Variants in CDC42BPB observed in about 807,000 individuals in gnomAD.
CDC42BPB encodes the protein serine/threonine-protein kinase MRCK beta.
Under a neutral mutation model 214.9 loss-of-function variants are expected in CDC42BPB, and 37 were observed. That is an observed-to-expected ratio of 0.17 (90% CI 0.13 to 0.23). CDC42BPB has a LOEUF of 0.23. Among genes scored for constraint, CDC42BPB ranks in the 10% least tolerant of loss-of-function variants. CDC42BPB has a pLI of 1.00. For synonymous variants in CDC42BPB, 931 were observed against 884.0 expected, an observed-to-expected ratio of 1.05 and a Z score of -0.94; for missense variants, 1,694 against 2,227.0, an observed-to-expected ratio of 0.76 and a Z score of 4.82.
At chr14:102,945,143 C>A in intron 29 of CDC42BPB, 1 of 427,770 alleles carries the variant, frequency 2.3e-6, no homozygotes, top group Admixed American at 2.5e-5. Context: ...TGCAGAGATG[C>A]TGGGTCTGTC....
At chr14:103,047,933 GTT>G (rs1293782525) in intron 1 of CDC42BPB, among the ~76,000 whole-genome samples, 1 of 150,264 alleles carries the variant, frequency 6.7e-6, no homozygotes, top group Admixed American at 6.6e-5. Flanking sequence ...GACAGACCTG[GTT>G]CAAAAAATTC....
intron 1 of CDC42BPB, among the ~76,000 whole-genome samples, chr14:103,034,570 T>G (rs1887562299): frequency 6.6e-6 from 1 of 152,040 alleles, no homozygotes; most frequent in Admixed American, 6.6e-5. Context: ...TCCCAACACT[T>G]TGGGAGGCTG....
Position 103,040,824 on chromosome 14 carries a change from T to C in CDC42BPB, c.175+16175A>G, listed in dbSNP as rs190884842. Among the ~76,000 whole-genome samples the C allele has an allele frequency of 5.9e-5, 9 of 152,334 alleles. 1 individual carries two copies. The highest frequency in any genetic ancestry group is 4.6e-4 in the Admixed American group (7 of 15,290). On this transcript the variant is annotated intron_variant, in intron 1 of 36. Coordinates refer to ENST00000361246, the MANE Select transcript of CDC42BPB (RefSeq NM_006035.4). ...CTTATGATCGTGGGACAAGAGACTT[T>C]AATACTGTTAAGATGGCAATACTCC... is the stretch of plus-strand genomic sequence containing the variant.
At chr14:102,968,422 C>T (rs539530759) in intron 15 of CDC42BPB, 50 bp downstream of exon 15, 91 of 1,613,242 alleles carry the variant, frequency 5.6e-5, no homozygotes, top group Non-Finnish European at 6.6e-5. Context: ...GTATCTATGG[C>T]GTGGGTATCA....
At chr14:102,936,226 AATCCAGCAATCCCACTCACAGGCAT>A (rs1367179794) in intron 36 of CDC42BPB, among the ~76,000 whole-genome samples, 2 of 152,216 alleles carry the variant, frequency 1.3e-5, no homozygotes, top group African/African-American at 4.8e-5. Context: ...TTACCACATA[AATCCAGCAATCCCACTCACAGGCAT>A]AAACCCGAAT....
In CDC42BPB at chr14:102,965,669, G is replaced by C. The variant is rs542676035; in HGVS notation, c.2577+613C>G. 9.8e-4 allele frequency among the ~76,000 whole-genome samples: 150 copies of C among 152,320 alleles called. 1 individual carries two copies. The highest frequency in any genetic ancestry group is 1.2e-3 in the Non-Finnish European group (80 of 68,014). ...AACAGTAAAGAGAAGAAAATGGACA[G>C]AGGAAGGCCAGGTGTGGGGGCTCAT... is the stretch of plus-strand genomic sequence containing the variant. On this transcript the variant is annotated intron_variant, in intron 18 of 36. Coordinates refer to ENST00000361246, the MANE Select transcript of CDC42BPB (RefSeq NM_006035.4).
At position 103,044,747 on chromosome 14, in the gene CDC42BPB, G is replaced by A. The variant is rs916483859; in HGVS notation, c.175+12252C>T. On this transcript the variant is annotated intron_variant, in intron 1 of 36. Transcript: ENST00000361246. ...GCTGGTCTTGAACTCCTGGGCTCAA[G>A]CAATCTTCCCACCTCGGCCTCCCAA... Among the ~76,000 whole-genome samples the A allele has an allele frequency of 2.0e-5, 3 of 151,048 alleles. No individual in the cohort carries two copies. In the South Asian group the frequency reaches 6.3e-4, roughly 32 times the overall value.
chr14:103,044,561 G>A lies in CDC42BPB; in HGVS notation c.175+12438C>T, dbSNP rs1294505968. On this transcript the variant is annotated intron_variant, in intron 1 of 36. Transcript: ENST00000361246. Reference sequence around the variant, plus strand: ...ACTTTTTGTGTTTTTAGTAGAGATGGGGTTTCACCAACTTGGCCAGGATGG... The same window carrying A: ...ACTTTTTGTGTTTTTAGTAGAGATGAGGTTTCACCAACTTGGCCAGGATGG... Among the ~76,000 whole-genome samples, 4 of 152,028 alleles carry A rather than the reference G, an allele frequency of 2.6e-5. No homozygotes were observed. The East Asian group carries it at 7.8e-4, about 29-fold the overall frequency.
intron 1 of CDC42BPB, among the ~76,000 whole-genome samples, chr14:103,034,361 T>C (rs748199046): frequency 7.9e-5 from 12 of 152,150 alleles, no homozygotes; most frequent in Non-Finnish European, 1.6e-4. Flanking sequence ...ATTTTAAAAA[T>C]ACACATTTAA....
chr14:103,023,139 G>GACT (rs1346215183), intron 1 of CDC42BPB, among the ~76,000 whole-genome samples: 1 of 150,146 alleles, frequency 6.7e-6, no homozygotes, highest in Non-Finnish European at 1.5e-5. Flanking sequence ...CCGAGTAGCA[G>GACT]ACTACAGGTG....
chr14:103,010,995 A>G (rs1886124168), intron 2 of CDC42BPB, among the ~76,000 whole-genome samples: 1 of 152,176 alleles, frequency 6.6e-6, no homozygotes, highest in African/African-American at 2.4e-5. Flanking sequence ...GCACCACTGC[A>G]CTCCAGCCTG....
intron 1 of CDC42BPB, among the ~76,000 whole-genome samples, chr14:103,048,427 G>A (rs991827061): frequency 6.8e-6 from 1 of 147,958 alleles, no homozygotes; most frequent in African/African-American, 2.5e-5. Flanking sequence ...GGTAGCTCAC[G>A]CCTATAATCC....
intron 1 of CDC42BPB, chr14:103,041,672 T>C: frequency 1.8e-6 from 1 of 566,362 alleles, no homozygotes; most frequent in Non-Finnish European, 3.2e-6. Context: ...CACACCAAGG[T>C]GCGCACCGGC....
chr14:102,974,369 G>A (rs1893640147), intron 11 of CDC42BPB: 2 of 984,092 alleles, frequency 2.0e-6, no homozygotes, highest in African/African-American at 1.8e-5. Flanking sequence ...AGGCTCCCTA[G>A]ACTTTACTCT....
In CDC42BPB at chr14:102,970,153, T is replaced by G; in HGVS notation, c.1993A>C (p.Lys665Gln). Residue 665 changes from lysine (K) to glutamine (Q), a missense_variant and splice_region_variant, in exon 14 of 37, where the codon AAG (lysine) becomes CAG (glutamine). This residue lies in a region of CDC42BPB where 462 missense variants were observed against 513.5 expected (regional missense o/e 0.90). Coordinates refer to ENST00000361246, the MANE Select transcript of CDC42BPB (RefSeq NM_006035.4). ...KQMESELEAL[K>Q]VKQGGRGAGA... ...CAGAGACCCCCGCCCAGCACTACCTTGAGGGCCTCCAGCTCGCTTTCCATT... is the reference window on the plus strand; with the variant it reads ...CAGAGACCCCCGCCCAGCACTACCTGGAGGGCCTCCAGCTCGCTTTCCATT... The G allele has an allele frequency of 6.2e-7, 1 of 1,612,310 alleles. No individual in the cohort carries two copies. Among genetic ancestry groups the G allele is most frequent in the Non-Finnish European group, 8.5e-7 (1 of 1,179,474 alleles).
intron 35 of CDC42BPB, 36 bp downstream of exon 35, chr14:102,938,263 CCCCACCT>C: frequency 3.1e-6 from 5 of 1,598,932 alleles, no homozygotes; most frequent in Non-Finnish European, 4.3e-6. Context: ...ACCCCCTACC[CCCCACCT>C]CCCCCAGGGC....
At chr14:102,970,063 A>T in intron 14 of CDC42BPB, 88 bp downstream of exon 14, 1 of 1,064,916 alleles carries the variant, frequency 9.4e-7, no homozygotes, top group Non-Finnish European at 1.4e-6. Context: ...CCCGGACCAC[A>T]CATTACACAA....
intron 1 of CDC42BPB, among the ~76,000 whole-genome samples, chr14:103,048,315 G>A (rs908514362): frequency 2.6e-5 from 4 of 151,850 alleles, no homozygotes; most frequent in East Asian, 1.9e-4. Context: ...AGGCCAATGC[G>A]GGCGGACTGC....
At chr14:103,033,566 A>G (rs759248042) in intron 1 of CDC42BPB, among the ~76,000 whole-genome samples, 1 of 152,318 alleles carries the variant, frequency 6.6e-6, no homozygotes, top group Non-Finnish European at 1.5e-5. Flanking sequence ...TGAAATTTTA[A>G]ACTTTGAAAT....
Sources: allele counts gnomAD v4.1 joint callset (sites outside exome capture counted in the v4.1 genomes callset), GRCh38; gene constraint gnomAD v4.1.1; regional missense constraint gnomAD v4.1.1; transcripts MANE v1.5; gene names NCBI Gene and HGNC (gene_info 2026-07-23, HGNC 2026-07-21).